Variants in SMC3 observed in about 807,000 individuals in gnomAD.
SMC3 encodes the protein structural maintenance of chromosomes 3, also known as structural maintenance of chromosomes protein 3.
A neutral mutation model predicts 171.8 loss-of-function variants in SMC3; 20 were observed. The observed-to-expected ratio is 0.12, with a 90% confidence interval of 0.08 to 0.17. SMC3 has a LOEUF of 0.17. Among genes scored for constraint, SMC3 ranks in the 10% least tolerant of loss-of-function variants. The pLI, the probability that SMC3 is intolerant of heterozygous loss-of-function variation, is 1.00. For missense variants in SMC3, 543 were observed against 1,420.4 expected, an observed-to-expected ratio of 0.38 and a Z score of 9.93; for synonymous variants, 464 against 451.1, an observed-to-expected ratio of 1.03 and a Z score of -0.36.
intron 18 of SMC3, 111 bp downstream of exon 18, chr10:110,593,334 G>A (rs1378591290): frequency 8.2e-6 from 9 of 1,096,212 alleles, no homozygotes; most frequent in African/African-American, 1.6e-5. Flanking sequence ...CACTTTGGGA[G>A]GCTGAGGCGG....
At chr10:110,597,817 A>G (rs1232805448) in intron 19 of SMC3, among the ~76,000 whole-genome samples, 4 of 152,252 alleles carry the variant, frequency 2.6e-5, no homozygotes, top group Admixed American at 6.5e-5. Flanking sequence ...TGTTGAATGA[A>G]AAGATATTTA....
At chr10:110,589,505 T>C in intron 13 of SMC3, 100 bp from the exon 14 acceptor site, 1 of 756,012 alleles carries the variant, frequency 1.3e-6, no homozygotes, top group Non-Finnish European at 2.3e-6. Context: ...CCCTCACCTT[T>C]TGTCCGCCTC....
rs754963377 is a variant in SMC3, at chr10:110,583,555, T to TA, written c.969+11dup. On this transcript the variant is annotated splice_region_variant and intron_variant, in intron 11 of 28. Coordinates refer to ENST00000361804, the MANE Select transcript of SMC3 (RefSeq NM_005445.4). ...AGGCAATAGTGAACAAAGGGTAAGTTAAAATGCTAAAAATGAAAGATGTGA... is the reference window on the plus strand; with the variant it reads ...AGGCAATAGTGAACAAAGGGTAAGTTAAAAATGCTAAAAATGAAAGATGTGA... 17 of 1,613,492 alleles carry TA rather than the reference T, an allele frequency of 1.1e-5. No homozygotes were observed. The highest frequency in any genetic ancestry group is 1.4e-5 in the Non-Finnish European group (17 of 1,179,570).
At chr10:110,573,925 T>C (rs1860910145) in intron 3 of SMC3, among the ~76,000 whole-genome samples, 180 bp downstream of exon 3, 1 of 152,182 alleles carries the variant, frequency 6.6e-6, no homozygotes, top group Non-Finnish European at 1.5e-5. Flanking sequence ...TTATACCCAG[T>C]GGCTGATTAG....
chr10:110,590,068 C>T, intron 15 of SMC3, 77 bp downstream of exon 15: 1 of 1,278,288 alleles, frequency 7.8e-7, no homozygotes, highest in Non-Finnish European at 1.1e-6. Flanking sequence ...TTTTACCTTT[C>T]AAGGTGTAGG....
chr10:110,597,143 CAAA>C (rs11347729), intron 19 of SMC3, among the ~76,000 whole-genome samples: 16,811 of 135,306 alleles, frequency 0.12, 1,110 homozygotes, highest in East Asian at 0.27. Flanking sequence ...GACCCTGTCT[CAAA>C]AAAAAAAAAA....
At position 110,604,588 on chromosome 10, in the gene SMC3, T is replaced by G. The variant is rs945780587; in HGVS notation, c.*286T>G. On this transcript the variant is annotated 3_prime_UTR_variant, in exon 29 of 29. Coordinates refer to ENST00000361804, the MANE Select transcript of SMC3 (RefSeq NM_005445.4). The stretch of plus-strand genomic sequence containing the variant: ...TCTTTCCTAATTATTTTATCACTTA[T>G]ACTACCTTTTTTATAGCTTCAATTA... 1 of 356,686 alleles carries G rather than the reference T, an allele frequency of 2.8e-6. No individual in the cohort carries two copies. Among genetic ancestry groups the G allele is most frequent in the Non-Finnish European group, 5.2e-6 (1 of 191,822 alleles). 22.1% of individuals were successfully genotyped at this position (356,686 alleles called of 1,614,324 possible). A position where few individuals can be genotyped will look rare whatever the true frequency, so the allele number is the denominator to read the frequency against.
intron 28 of SMC3, 65 bp downstream of exon 28, chr10:110,603,355 TTA>T (rs1281475475): frequency 2.9e-6 from 3 of 1,020,788 alleles, no homozygotes; most frequent in African/African-American, 3.2e-5. Context: ...AATTCTGATT[TTA>T]TGTTACTTAA....
At chr10:110,572,407 G>T (rs914555588) in intron 2 of SMC3, among the ~76,000 whole-genome samples, 2 of 152,138 alleles carry the variant, frequency 1.3e-5, no homozygotes, top group Non-Finnish European at 2.9e-5. Context: ...AGCAGGTATT[G>T]CATAGTTGTC....
chr10:110,584,017 G>C (rs924569792), intron 12 of SMC3, 55 bp downstream of exon 12: 1 of 1,597,536 alleles, frequency 6.3e-7, no homozygotes, highest in Admixed American at 1.7e-5. Flanking sequence ...TGTAAAACTA[G>C]GTTGTCCGAG....
At chr10:110,590,813 A>T (rs541147098) in intron 16 of SMC3, among the ~76,000 whole-genome samples, 178 bp from the exon 17 acceptor site, 2 of 152,290 alleles carry the variant, frequency 1.3e-5, no homozygotes, top group East Asian at 3.9e-4. Flanking sequence ...TATTTTCCAA[A>T]ATTATTTGGA....
chr10:110,585,853 A>T (rs1179741120), intron 13 of SMC3, among the ~76,000 whole-genome samples: 1 of 151,878 alleles, frequency 6.6e-6, no homozygotes, highest in Non-Finnish European at 1.5e-5. Flanking sequence ...GCTGGAGTGC[A>T]GTGGCGCGAT....
At chr10:110,598,104 A>G in intron 19 of SMC3, 35 bp from the exon 20 acceptor site, 1 of 1,595,398 alleles carries the variant, frequency 6.3e-7, no homozygotes, top group Non-Finnish European at 8.6e-7. Context: ...CGATATATTT[A>G]CAACCTGGAG....
Position 110,598,427 on chromosome 10 carries a change from C to CAGAA in SMC3, c.2268+140_2268+141insAAGA. The CAGAA allele has an allele frequency of 2.1e-5, 19 of 894,692 alleles. No individual in the cohort carries two copies. In the South Asian group the frequency reaches 2.5e-4, roughly 12 times the overall value. The allele number at this position is 894,692 out of a possible 1,614,324, so 55.4% of individuals were successfully genotyped here. A position where few individuals can be genotyped will look rare whatever the true frequency, so the allele number is the denominator to read the frequency against. ...GACCCATACTTTTTTTTTTTGAAGA[C>CAGAA]AGAGTCTCTTTCTGTCTCACCCAGG... On this transcript the variant is annotated intron_variant, in intron 20 of 28. Transcript: ENST00000361804.
At chr10:110,568,876 C>T in intron 1 of SMC3, 62 bp from the exon 2 acceptor site, 3 of 940,510 alleles carry the variant, frequency 3.2e-6, no homozygotes, top group South Asian at 2.6e-5. Context: ...GAAAGAAATG[C>T]AAGAGAAAAA....
chr10:110,597,178 A>C (rs1331772236), intron 19 of SMC3, among the ~76,000 whole-genome samples: 1 of 151,640 alleles, frequency 6.6e-6, no homozygotes, highest in Admixed American at 6.6e-5. Flanking sequence ...GGAGGGTGAA[A>C]AATGTTAGAT....
chr10:110,604,245 T>C lies in SMC3; in HGVS notation c.3597T>C (p.Asp1199=), dbSNP rs767485247. 1 of 1,610,826 alleles carries C rather than the reference T, an allele frequency of 6.2e-7. No homozygotes were observed. Among genetic ancestry groups the C allele is most frequent in the South Asian group, 1.1e-5 (1 of 90,982 alleles). The change falls in exon 29 of 29, where the codon GAT becomes GAC. Residue 1199 remains aspartate (D), a synonymous_variant. Coordinates refer to ENST00000361804, the MANE Select transcript of SMC3 (RefSeq NM_005445.4). ...VKFRNKVSHI[D]VITAEMAKDF... is the part of the protein sequence containing the mutation. ...TTATTCTTCAGGTTAGTCATATTGA[T>C]GTGATCACAGCAGAGATGGCCAAAG...
chr10:110,591,217 C>A, intron 17 of SMC3, 85 bp downstream of exon 17: 2 of 1,292,490 alleles, frequency 1.5e-6, no homozygotes, highest in Non-Finnish European at 2.2e-6. Flanking sequence ...TGCCCAGGCA[C>A]TATACACTGG....
Position 110,602,622 on chromosome 10 carries a change from G to C in SMC3, c.3254G>C (p.Ser1085Thr), listed in dbSNP as rs760275709. The change falls in exon 26 of 29, where the codon AGC (serine) becomes ACC (threonine). Residue 1085 changes from serine to threonine, a missense_variant. Transcript: ENST00000361804. ...GESERGSGSQ[S>T]SVPSVDQFTG... ...AGTGAGAGGGGTTCTGGCTCACAAA[G>C]CAGTGTCCCATCAGTTGACCAGTTT... is the stretch of plus-strand genomic sequence containing the variant. 3 of 1,614,076 alleles carry C rather than the reference G, an allele frequency of 1.9e-6. No individual in the cohort carries two copies. In the South Asian group the frequency reaches 3.3e-5, roughly 18 times the overall value.
Sources: gnomAD v4.1 joint callset for allele counts (sites outside exome capture counted in the v4.1 genomes callset) on GRCh38, gnomAD v4.1.1 for gene constraint, MANE v1.5 for transcripts, NCBI Gene and HGNC (gene_info 2026-07-23, HGNC 2026-07-21) for gene names.